Variants in GSE1 observed in about 807,000 individuals in gnomAD.
GSE1 encodes the protein genetic suppressor element 1.
A neutral mutation model predicts 112.6 loss-of-function variants in GSE1; 32 were observed. The observed-to-expected ratio is 0.28, with a 90% confidence interval of 0.21 to 0.38. The LOEUF (loss-of-function observed/expected upper bound fraction) is 0.38. GSE1 is among the 10% of genes least tolerant of loss of function. The pLI is 1.00. For synonymous variants in GSE1, 1,115 were observed against 735.6 expected (o/e 1.52, Z -8.35); for missense variants, 2,348 against 1,699.2 (o/e 1.38, Z -6.71).
chr16:85,651,663 G>A (rs1271756904), intron 3 of GSE1, among the ~76,000 whole-genome samples: 1 of 152,178 alleles, frequency 6.6e-6, no homozygotes, highest in Non-Finnish European at 1.5e-5. Context: ...CTGTCCTCAG[G>A]TCGAGGTCTG....
At chr16:85,254,665 A>C (rs1047513846) in intron 1 of GSE1, among the ~76,000 whole-genome samples, 3 of 151,998 alleles carry the variant, frequency 2.0e-5, no homozygotes, top group Non-Finnish European at 4.4e-5. Context: ...CCGGCCACAC[A>C]CCTGTGACCA....
chr16:85,277,550 G>A (rs1315698724), intron 1 of GSE1, among the ~76,000 whole-genome samples: 1 of 152,194 alleles, frequency 6.6e-6, no homozygotes, highest in Non-Finnish European at 1.5e-5. Context: ...GGTGTTGCCT[G>A]TGATGCTGGG....
chr16:85,516,798 C>CTTTT (rs71151300), intron 2 of GSE1, among the ~76,000 whole-genome samples: 4 of 129,626 alleles, frequency 3.1e-5, no homozygotes, highest in Admixed American at 8.2e-5. Context: ...TGTCTTGGTT[C>CTTTT]TTTTTTTTTT....
chr16:85,197,492 C>T (rs1275515718), intron 1 of GSE1, among the ~76,000 whole-genome samples: 1 of 152,196 alleles, frequency 6.6e-6, no homozygotes, highest in Non-Finnish European at 1.5e-5. Context: ...GCTTTAAAAT[C>T]CCAAATCTTT....
At chr16:85,278,868 C>A (rs529557054) in intron 1 of GSE1, 1 of 199,720 alleles carries the variant, frequency 5.0e-6, no homozygotes. Context: ...AAATCCTTCA[C>A]GGAATCCTAA....
intron 2 of GSE1, among the ~76,000 whole-genome samples, chr16:85,404,034 C>T (rs1382903544): frequency 1.3e-5 from 2 of 152,028 alleles, no homozygotes; most frequent in African/African-American, 2.4e-5. Flanking sequence ...GGCCTTTCCT[C>T]TGTGTGCGTC....
intron 1 of GSE1, among the ~76,000 whole-genome samples, chr16:85,310,756 G>A (rs1439811519): frequency 1.3e-5 from 2 of 151,734 alleles, no homozygotes; most frequent in Non-Finnish European, 2.9e-5. Context: ...CACTTGAGGT[G>A]CTCGGAGCAA....
chr16:85,471,664 C>G (rs1332640714), intron 2 of GSE1, among the ~76,000 whole-genome samples: 1 of 152,186 alleles, frequency 6.6e-6, no homozygotes, highest in Non-Finnish European at 1.5e-5. Context: ...TCTGCCCTAC[C>G]AAAGTACAAG....
At chr16:85,335,440 G>T (rs2046462703) in intron 1 of GSE1, among the ~76,000 whole-genome samples, 1 of 152,246 alleles carries the variant, frequency 6.6e-6, no homozygotes, top group Non-Finnish European at 1.5e-5. Context: ...CGCGGAGCCG[G>T]GAGTGGGCAG....
intron 2 of GSE1, among the ~76,000 whole-genome samples, chr16:85,640,901 G>T (rs561938869): frequency 6.6e-6 from 1 of 152,020 alleles, no homozygotes; most frequent in East Asian, 1.9e-4. Context: ...CTCCTGGCCC[G>T]GGGGCCAGAG....
intron 2 of GSE1, among the ~76,000 whole-genome samples, chr16:85,499,295 C>CTTTTTTTTTTT (rs568776401): frequency 3.9e-5 from 3 of 77,162 alleles, no homozygotes; most frequent in African/African-American, 1.5e-4. Context: ...GGAAAGTCAC[C>CTTTTTTTTTTT]TTTTTTTTTT....
intron 2 of GSE1, among the ~76,000 whole-genome samples, chr16:85,402,545 C>T (rs1459753290): frequency 6.6e-6 from 1 of 152,150 alleles, no homozygotes; most frequent in Non-Finnish European, 1.5e-5. Context: ...GGAGCCGGGG[C>T]TGGGACATCA....
intron 2 of GSE1, chr16:85,359,254 C>T (rs1481228820): frequency 5.1e-5 from 19 of 376,162 alleles, no homozygotes; most frequent in Non-Finnish European, 8.0e-5. Flanking sequence ...TTTGGCGATG[C>T]GTCCTCCTGG....
chr16:85,223,901 G>T (rs1307978266), intron 1 of GSE1, among the ~76,000 whole-genome samples: 1 of 152,052 alleles, frequency 6.6e-6, no homozygotes, highest in African/African-American at 2.4e-5. Flanking sequence ...GACCTCATTT[G>T]GCCCACCACT....
chr16:85,640,600 T>C (rs998653660), intron 2 of GSE1, among the ~76,000 whole-genome samples: 1 of 152,082 alleles, frequency 6.6e-6, no homozygotes, highest in Non-Finnish European at 1.5e-5. Flanking sequence ...GGACTACGTG[T>C]GCGGGGACCA....
intron 1 of GSE1, among the ~76,000 whole-genome samples, chr16:85,257,626 A>C (rs1907223297): frequency 6.6e-6 from 1 of 152,262 alleles, no homozygotes; most frequent in Non-Finnish European, 1.5e-5. Context: ...CCTGGGCAAC[A>C]TAGTGAGACC....
At chr16:85,472,998 G>A (rs924595748) in intron 2 of GSE1, among the ~76,000 whole-genome samples, 1 of 152,388 alleles carries the variant, frequency 6.6e-6, no homozygotes, top group South Asian at 2.1e-4. Flanking sequence ...GGGCACAGGC[G>A]AGGGAGGCTG....
At chr16:85,615,839 G>C (rs1384573399) in intron 1 of GSE1, among the ~76,000 whole-genome samples, 1 of 152,350 alleles carries the variant, frequency 6.6e-6, no homozygotes, top group East Asian at 1.9e-4. Context: ...CCTGACCCGG[G>C]TCTGGGGGTT....
chr16:85,274,682 T>A (rs1383295245), intron 1 of GSE1, among the ~76,000 whole-genome samples: 2 of 152,180 alleles, frequency 1.3e-5, no homozygotes, highest in Non-Finnish European at 2.9e-5. Flanking sequence ...AGGGCTTAGG[T>A]GCCTGTCCCC....
Sources: allele counts gnomAD v4.1 joint callset (sites outside exome capture counted in the v4.1 genomes callset), GRCh38; gene constraint gnomAD v4.1.1; transcripts MANE v1.5; gene names NCBI Gene and HGNC (gene_info 2026-07-23, HGNC 2026-07-21).